Variants in PSMD14 observed in about 807,000 individuals in gnomAD.
PSMD14 encodes proteasome 26S subunit, non-ATPase 14.
A neutral mutation model predicts 41.2 loss-of-function variants in PSMD14; 7 were observed. That is an observed-to-expected ratio of 0.17 (90% CI 0.10 to 0.32). The LOEUF is 0.32. Ranked by LOEUF, PSMD14 falls within the 10% of genes least tolerant of loss-of-function variation. The pLI is 1.00. For missense variants in PSMD14, 139 were observed against 375.6 expected (o/e 0.37, Z 5.21); for synonymous variants, 114 against 122.3 (o/e 0.93, Z 0.45).
At chr2:161,389,408 C>G (rs1420942591) in intron 8 of PSMD14, among the ~76,000 whole-genome samples, 1 of 152,140 alleles carries the variant, frequency 6.6e-6, no homozygotes, top group South Asian at 2.1e-4. Flanking sequence ...CGAATATGAG[C>G]ACAGATTAAA....
At chr2:161,352,101 C>G (rs2105247710) in intron 3 of PSMD14, among the ~76,000 whole-genome samples, 1 of 152,270 alleles carries the variant, frequency 6.6e-6, no homozygotes, top group South Asian at 2.1e-4. Context: ...TGGCTCAAGA[C>G]CTCTGAAATT....
chr2:161,376,213 T>C (rs2105260212), intron 7 of PSMD14, among the ~76,000 whole-genome samples: 1 of 151,538 alleles, frequency 6.6e-6, no homozygotes, highest in East Asian at 1.9e-4. Context: ...TTATCTCCTC[T>C]TTACAGTGTG....
At chr2:161,392,935 CTT>C (rs200560459) in intron 9 of PSMD14, among the ~76,000 whole-genome samples, 3 of 152,008 alleles carry the variant, frequency 2.0e-5, no homozygotes, top group African/African-American at 7.2e-5. Context: ...ATTTTTCTTT[CTT>C]TTTTTTTGGG....
chr2:161,401,599 A>G (rs1180317279), intron 10 of PSMD14, among the ~76,000 whole-genome samples: 1 of 152,114 alleles, frequency 6.6e-6, no homozygotes, highest in Admixed American at 6.5e-5. Context: ...TTTTCCAACA[A>G]CCTTAACTAC....
chr2:161,405,143 G>A (rs1409392148), intron 10 of PSMD14, among the ~76,000 whole-genome samples: 3 of 152,130 alleles, frequency 2.0e-5, no homozygotes, highest in Non-Finnish European at 4.4e-5. Context: ...TAGGCATCGT[G>A]TAGGTTTGAA....
At chr2:161,397,018 G>A (rs530753424) in intron 10 of PSMD14, among the ~76,000 whole-genome samples, 23 of 152,122 alleles carry the variant, frequency 1.5e-4, no homozygotes, top group Admixed American at 1.2e-3. Flanking sequence ...TAGTAGAGAC[G>A]GGGTTTCACC....
chr2:161,339,843 A>G (rs1259669015), intron 3 of PSMD14, among the ~76,000 whole-genome samples: 1 of 152,294 alleles, frequency 6.6e-6, no homozygotes, highest in African/African-American at 2.4e-5. Context: ...AATGCATGCC[A>G]TAGGGGTTGA....
chr2:161,399,184 A>G (rs1278322932), intron 10 of PSMD14, among the ~76,000 whole-genome samples: 1 of 152,138 alleles, frequency 6.6e-6, no homozygotes, highest in African/African-American at 2.4e-5. Flanking sequence ...GGACATAACC[A>G]TGTTTCCAAA....
intron 3 of PSMD14, among the ~76,000 whole-genome samples, chr2:161,360,621 C>G (rs924077254): frequency 1.3e-5 from 2 of 152,174 alleles, no homozygotes; most frequent in African/African-American, 4.8e-5. Context: ...TCCCAAAGTG[C>G]TGGGATTACA....
intron 3 of PSMD14, among the ~76,000 whole-genome samples, chr2:161,359,044 C>T (rs935691468): frequency 6.6e-6 from 1 of 152,174 alleles, no homozygotes; most frequent in African/African-American, 2.4e-5. Flanking sequence ...TCACAGCTCA[C>T]TACAGCCCCA....
At chr2:161,331,114 A>G (rs1682782824) in intron 3 of PSMD14, among the ~76,000 whole-genome samples, 2 of 152,294 alleles carry the variant, frequency 1.3e-5, no homozygotes, top group South Asian at 4.1e-4. Flanking sequence ...TTGTATAGCT[A>G]TATCACTATA....
chr2:161,361,754 A>C (rs1189575525), intron 3 of PSMD14, among the ~76,000 whole-genome samples: 1 of 152,190 alleles, frequency 6.6e-6, no homozygotes, highest in African/African-American at 2.4e-5. Context: ...ACCAGTGGCC[A>C]TTGTGGCTTC....
intron 3 of PSMD14, among the ~76,000 whole-genome samples, chr2:161,364,568 A>G (rs1180094246): frequency 6.6e-6 from 1 of 150,830 alleles, no homozygotes; most frequent in African/African-American, 2.5e-5. Context: ...CTCTGAGCTC[A>G]GTTTCGAGTC....
intron 3 of PSMD14, among the ~76,000 whole-genome samples, chr2:161,342,390 A>G (rs1429736898): frequency 1.3e-5 from 2 of 151,982 alleles, no homozygotes; most frequent in Admixed American, 6.6e-5. Context: ...TTCTGCATGT[A>G]TCGAGATGAT....
intron 8 of PSMD14, among the ~76,000 whole-genome samples, chr2:161,386,127 A>G (rs1683632582): frequency 6.6e-6 from 1 of 151,876 alleles, no homozygotes; most frequent in Non-Finnish European, 1.5e-5. Flanking sequence ...AATTGCAGTT[A>G]CTGGTATTCA....
Position 161,341,959 on chromosome 2 carries a change from CTCTTT to C in PSMD14, c.48+23091_48+23095del, listed in dbSNP as rs1189409042. 2.6e-5 allele frequency among the ~76,000 whole-genome samples: 4 copies of C among 151,492 alleles called. No individual in the cohort carries two copies. In the East Asian group the frequency reaches 5.8e-4, roughly 22 times the overall value. On this transcript the variant is annotated intron_variant, in intron 3 of 11. Coordinates refer to ENST00000409682, the MANE Select transcript of PSMD14 (RefSeq NM_005805.6). ...CCTAACCCAATGTCACAAACATATT[CTCTTT>C]TCTTCCAGAAGTTTTATAATTTTTA...
At chr2:161,396,454 A>G (rs1683797730) in intron 10 of PSMD14, among the ~76,000 whole-genome samples, 1 of 152,238 alleles carries the variant, frequency 6.6e-6, no homozygotes, top group Admixed American at 6.5e-5. Flanking sequence ...CAGCCATTAA[A>G]AAAAGGAAAT....
At chr2:161,341,370 A>T (rs1018737986) in intron 3 of PSMD14, 6 of 943,202 alleles carry the variant, frequency 6.4e-6, no homozygotes, top group Non-Finnish European at 7.6e-6. Flanking sequence ...ACCCCGAGGG[A>T]TCCCGCCGCG....
chr2:161,398,673 T>C (rs1683835754), intron 10 of PSMD14, among the ~76,000 whole-genome samples: 1 of 152,054 alleles, frequency 6.6e-6, no homozygotes, highest in Non-Finnish European at 1.5e-5. Context: ...CATGTAGTGC[T>C]ATAAATTTGG....
Sources: gnomAD v4.1 joint callset for allele counts (sites outside exome capture counted in the v4.1 genomes callset) on GRCh38, gnomAD v4.1.1 for gene constraint, MANE v1.5 for transcripts, NCBI Gene and HGNC (gene_info 2026-07-23, HGNC 2026-07-21) for gene names.